The following SLC41A2 variants were observed in gnomAD, a reference collection of about 807,000 sequenced individuals.
SLC41A2 encodes SLC41A1-like 1.
SLC41A2 carries 32 observed loss-of-function variants against 58.3 expected under a neutral mutation model. That is an observed-to-expected ratio of 0.55 (90% CI 0.41 to 0.74). SLC41A2 has a LOEUF of 0.74. SLC41A2 is among the 30% of genes least tolerant of loss of function. The pLI is 0.00. For synonymous variants in SLC41A2, 190 were observed against 235.0 expected (o/e 0.81, Z 1.75); for missense variants, 514 against 680.6 (o/e 0.76, Z 2.72).
intron 1 of SLC41A2, among the ~76,000 whole-genome samples, chr12:104,942,167 C>T (rs184740310): frequency 4.1e-4 from 62 of 152,212 alleles, no homozygotes; most frequent in African/African-American, 1.2e-3. Flanking sequence ...CCACCAAACA[C>T]TTAATGACTC....
intron 3 of SLC41A2, among the ~76,000 whole-genome samples, chr12:104,905,762 A>G (rs1440501258): frequency 4.6e-5 from 7 of 152,248 alleles, no homozygotes; most frequent in Non-Finnish European, 8.8e-5. Context: ...CCGGGTGCTA[A>G]GTCCCCCATT....
At chr12:104,858,129 C>T (rs555734555) in intron 8 of SLC41A2, among the ~76,000 whole-genome samples, 66 of 152,138 alleles carry the variant, frequency 4.3e-4, no homozygotes, top group Non-Finnish European at 8.8e-4. Context: ...TCAAGTTATA[C>T]TTATTAACAT....
rs367692953 is a variant in SLC41A2, at chr12:104,881,101, G to A, written c.1027+5192C>T. On this transcript the variant is annotated intron_variant, in intron 6 of 10. Coordinates refer to ENST00000258538, the MANE Select transcript of SLC41A2 (RefSeq NM_001352171.3). Reference sequence around the variant, plus strand: ...CTTCTAGATTTTCTAGTTTATTTGCGTAGAGGTGTTTATAGTATTCTCTGA... The same window carrying A: ...CTTCTAGATTTTCTAGTTTATTTGCATAGAGGTGTTTATAGTATTCTCTGA... Among the ~76,000 whole-genome samples, 1,286 of 152,184 alleles carry A rather than the reference G, an allele frequency of 8.5e-3. 16 individuals are homozygous for A. The highest frequency in any genetic ancestry group is 0.028 in the African/African-American group (1,167 of 41,506).
intron 6 of SLC41A2, among the ~76,000 whole-genome samples, chr12:104,877,964 G>A (rs541387349): frequency 1.1e-4 from 16 of 151,954 alleles, no homozygotes; most frequent in Admixed American, 2.0e-4. Flanking sequence ...AGCCAAGATC[G>A]TACCACTGCA....
chr12:104,885,351 C>T (rs151334966), intron 6 of SLC41A2, among the ~76,000 whole-genome samples: 8 of 152,286 alleles, frequency 5.3e-5, no homozygotes, highest in African/African-American at 1.4e-4. Flanking sequence ...CCAAAAGTCA[C>T]AGAAAATTAT....
At chr12:104,847,622 A>AG (rs2042652269) in intron 8 of SLC41A2, among the ~76,000 whole-genome samples, 1 of 150,596 alleles carries the variant, frequency 6.6e-6, no homozygotes, top group Non-Finnish European at 1.5e-5. Flanking sequence ...AAAAAAAAAA[A>AG]GTCAAGTCCT....
At chr12:104,814,896 G>A (rs191556299) in intron 10 of SLC41A2, among the ~76,000 whole-genome samples, 49 of 152,224 alleles carry the variant, frequency 3.2e-4, no homozygotes, top group Non-Finnish European at 1.0e-4. Flanking sequence ...TCTTTAAAAC[G>A]AATAAATTTA....
chr12:104,803,167 A>G lies in SLC41A2; in HGVS notation c.*1985T>C, dbSNP rs911955178. ...TTTTTTAAAAATCAAAATAGAAATC[A>G]TTGGGAAATGTAAATGTTTATGAAT... is the stretch of plus-strand genomic sequence containing the variant. On this transcript the variant is annotated 3_prime_UTR_variant, in exon 11 of 11. Coordinates refer to ENST00000258538, the MANE Select transcript of SLC41A2 (RefSeq NM_001352171.3). 1 of 152,200 alleles carries G rather than the reference A, an allele frequency of 6.6e-6. No individual in the cohort carries two copies. The highest frequency in any genetic ancestry group is 1.5e-5 in the Non-Finnish European group (1 of 68,014). The allele number at this position is 152,200 out of a possible 1,614,324, so 9.4% of individuals were successfully genotyped here.
chr12:104,866,289 T>C (rs2043440237), intron 7 of SLC41A2, 143 bp downstream of exon 7: 4 of 1,209,682 alleles, frequency 3.3e-6, no homozygotes, highest in Non-Finnish European at 4.2e-6. Context: ...CTATATAAAA[T>C]AATTAACCTA....
At chr12:104,950,197 G>A (rs577190007) in intron 1 of SLC41A2, among the ~76,000 whole-genome samples, 2 of 152,114 alleles carry the variant, frequency 1.3e-5, no homozygotes, top group South Asian at 4.2e-4. Flanking sequence ...ATATGCTCTG[G>A]TTGTGTCCCC....
intron 3 of SLC41A2, among the ~76,000 whole-genome samples, chr12:104,903,276 T>C (rs1408793746): frequency 6.6e-6 from 1 of 152,204 alleles, no homozygotes; most frequent in African/African-American, 2.4e-5. Flanking sequence ...TTAAAAAATA[T>C]CTATCAGATC....
chr12:104,814,524 A>ATACTT (rs1566096799), intron 10 of SLC41A2, among the ~76,000 whole-genome samples: 1 of 152,164 alleles, frequency 6.6e-6, no homozygotes, highest in Admixed American at 6.5e-5. Flanking sequence ...TTCTAGCAAA[A>ATACTT]TACTTATACA....
intron 2 of SLC41A2, among the ~76,000 whole-genome samples, chr12:104,916,473 C>T (rs2046326252): frequency 6.6e-6 from 1 of 152,136 alleles, no homozygotes. Flanking sequence ...GAAAAAACTA[C>T]TTTAAAGTTC....
chr12:104,902,458 T>G (rs892397675), intron 3 of SLC41A2, among the ~76,000 whole-genome samples: 7 of 152,144 alleles, frequency 4.6e-5, no homozygotes, highest in Admixed American at 4.6e-4. Context: ...CTAATGAGTT[T>G]AGTTTAGAAT....
intron 3 of SLC41A2, among the ~76,000 whole-genome samples, chr12:104,907,421 GA>G (rs1458334815): frequency 6.6e-6 from 1 of 152,084 alleles, no homozygotes; most frequent in Non-Finnish European, 1.5e-5. Flanking sequence ...CTAAGTGGCT[GA>G]CTGATACCCC....
At chr12:104,907,161 G>C (rs1382265699) in intron 3 of SLC41A2, among the ~76,000 whole-genome samples, 2 of 148,920 alleles carry the variant, frequency 1.3e-5, no homozygotes, top group Admixed American at 1.3e-4. Context: ...AATTTTCCAA[G>C]ATCTGGCCAG....
chr12:104,935,389 T>G (rs113484176), intron 1 of SLC41A2, among the ~76,000 whole-genome samples: 3 of 112,866 alleles, frequency 2.7e-5, no homozygotes, highest in Non-Finnish European at 6.1e-5. Flanking sequence ...AGTGAGGTGA[T>G]GTATATGTTA....
intron 6 of SLC41A2, among the ~76,000 whole-genome samples, chr12:104,883,811 G>A (rs995168653): frequency 4.6e-5 from 7 of 152,236 alleles, no homozygotes; most frequent in African/African-American, 1.4e-4. Flanking sequence ...CCCACTTGAG[G>A]AGGCAGTCTG....
chr12:104,811,143 C>T (rs1298854733), intron 10 of SLC41A2, among the ~76,000 whole-genome samples: 1 of 152,130 alleles, frequency 6.6e-6, no homozygotes, highest in Non-Finnish European at 1.5e-5. Context: ...CTTCCTGTTG[C>T]TACCCTAAGG....
Sources: allele counts gnomAD v4.1 joint callset (sites outside exome capture counted in the v4.1 genomes callset), GRCh38; gene constraint gnomAD v4.1.1; transcripts MANE v1.5; gene names NCBI Gene and HGNC (gene_info 2026-07-23, HGNC 2026-07-21).